The following SAMD12 variants were observed in gnomAD, a reference collection of about 807,000 sequenced individuals.
SAMD12 encodes sterile alpha motif domain containing 12.
Under a neutral mutation model 15.0 loss-of-function variants are expected in SAMD12, and 9 were observed. That is an observed-to-expected ratio of 0.60 (90% confidence interval 0.36 to 1.05). The LOEUF (loss-of-function observed/expected upper bound fraction) is 1.05, where lower values mean the gene tolerates loss of function less well. Ranked by LOEUF, SAMD12 falls within the 50% of genes least tolerant of loss-of-function variation. The pLI, the probability that SAMD12 is intolerant of heterozygous loss-of-function variation, is 0.01. For synonymous variants in SAMD12, 86 were observed against 90.1 expected, an observed-to-expected ratio of 0.96 and a Z score of 0.25; for missense variants, 230 against 234.2, an observed-to-expected ratio of 0.98 and a Z score of 0.12.
chr8:118,144,069 T>A, the SAMD12 span, among the ~76,000 whole-genome samples: 2 of 152,122 alleles, frequency 1.3e-5, no homozygotes, highest in Non-Finnish European at 2.9e-5. Flanking sequence ...CATTCCTTGG[T>A]GTGGCTGCAT....
intron 3 of SAMD12, among the ~76,000 whole-genome samples, chr8:118,386,610 G>C (rs893473416): frequency 6.6e-6 from 1 of 152,192 alleles, no homozygotes; most frequent in Non-Finnish European, 1.5e-5. Context: ...GGTTCATTGT[G>C]CTCCTCATGG....
Position 118,611,055 on chromosome 8 carries a change from G to A in SAMD12, c.13+10749C>T, listed in dbSNP as rs1024205883. On this transcript the variant is annotated intron_variant, in intron 1 of 3. Transcript: ENST00000314727. ...TCAAGTGCCCCAGGAGAATTTTATC[G>A]TCTAAGGAAACACTGCCTAAGATCT... Among the ~76,000 whole-genome samples, 29 of 152,272 alleles carry A rather than the reference G, an allele frequency of 1.9e-4. 1 individual carries two copies. Among genetic ancestry groups the A allele is most frequent in the Non-Finnish European group, 2.5e-4 (17 of 68,034 alleles).
intron 4 of SAMD12, among the ~76,000 whole-genome samples, chr8:118,325,557 A>C (rs1289338036): frequency 6.6e-6 from 1 of 152,202 alleles, no homozygotes; most frequent in African/African-American, 2.4e-5. Flanking sequence ...CTATCAACTC[A>C]CACAGTTATC....
intron 2 of SAMD12, among the ~76,000 whole-genome samples, chr8:118,534,499 G>T (rs1359342338): frequency 6.6e-6 from 1 of 152,126 alleles, no homozygotes. Context: ...TGCCTTGCTG[G>T]GTTGGGGAAG....
chr8:118,444,377 G>C (rs1270542433), intron 2 of SAMD12, among the ~76,000 whole-genome samples: 1 of 152,156 alleles, frequency 6.6e-6, no homozygotes, highest in African/African-American at 2.4e-5. Context: ...ACACCAAGCA[G>C]AATTCCAGAC....
chr8:118,395,057 T>C (rs750048295), intron 3 of SAMD12: 4 of 152,132 alleles, frequency 2.6e-5, no homozygotes, highest in African/African-American at 7.2e-5. Context: ...GTTAACAGTA[T>C]AGGAATATTT....
chr8:118,351,871 T>C (rs1042952929), intron 4 of SAMD12, among the ~76,000 whole-genome samples: 2 of 152,160 alleles, frequency 1.3e-5, no homozygotes, highest in African/African-American at 4.8e-5. Flanking sequence ...TTCTTGTTGG[T>C]TTTCCAGTTC....
chr8:118,156,502 C>A, the SAMD12 span, among the ~76,000 whole-genome samples: 1 of 152,164 alleles, frequency 6.6e-6, no homozygotes, highest in African/African-American at 2.4e-5. Flanking sequence ...TTTGAAAGGG[C>A]TCTATGTGTG....
rs139367283 is a variant in SAMD12 at position 118,581,385 on chromosome 8, G to A, written c.14-492C>T. ...AAGCACTTACTATGTGCCATCCCTG[G>A]GTTAGATCCTGGAAACATGGATTTA... On this transcript the variant is annotated intron_variant, in intron 1 of 3. Transcript: ENST00000314727. Among the ~76,000 whole-genome samples the A allele has an allele frequency of 2.0e-5, 3 of 152,138 alleles. No individual in the cohort carries two copies. The East Asian group carries it at 5.8e-4, about 29-fold the overall frequency.
At chr8:118,356,485 C>A (rs1818231396) in intron 4 of SAMD12, among the ~76,000 whole-genome samples, 4 of 152,136 alleles carry the variant, frequency 2.6e-5, no homozygotes, top group Admixed American at 2.6e-4. Flanking sequence ...AAACGCCCAC[C>A]TGCAGCTCAG....
At chr8:118,502,019 CA>C (rs778485490) in intron 2 of SAMD12, among the ~76,000 whole-genome samples, 29,326 of 80,412 alleles carry the variant, frequency 0.36, 2,726 homozygotes, top group South Asian at 0.47. Context: ...GACTCCGTCT[CA>C]AAAAAAAAAA....
chr8:118,474,598 G>A (rs773455755), intron 2 of SAMD12, among the ~76,000 whole-genome samples: 1 of 151,668 alleles, frequency 6.6e-6, no homozygotes, highest in Non-Finnish European at 1.5e-5. Flanking sequence ...TGTTGGTCAG[G>A]CTGGTCTTGG....
chr8:118,548,303 T>C (rs979759427), intron 2 of SAMD12, among the ~76,000 whole-genome samples: 16 of 152,044 alleles, frequency 1.1e-4, no homozygotes, highest in Non-Finnish European at 1.9e-4. Flanking sequence ...AGTGGGGTAA[T>C]AGATATATGA....
At chr8:118,229,924 G>A (rs1812271775) in intron 4 of SAMD12, among the ~76,000 whole-genome samples, 1 of 152,062 alleles carries the variant, frequency 6.6e-6, no homozygotes, top group African/African-American at 2.4e-5. Context: ...GAGTTCTGGG[G>A]TGCAGAAATA....
chr8:118,378,324 T>C lies in SAMD12; in HGVS notation c.*1093A>G, dbSNP rs1020773878. On this transcript the variant is annotated 3_prime_UTR_variant, in exon 4 of 4. Transcript: ENST00000314727. ...GTGACAGACTTTCTTATCATAATCTTCGTATTTCTATCTACTTCTTAAAAG... is the reference window on the plus strand; with the variant it reads ...GTGACAGACTTTCTTATCATAATCTCCGTATTTCTATCTACTTCTTAAAAG... 2.3e-6 allele frequency: 2 copies of C among 871,432 alleles called. No individual in the cohort carries two copies. Among genetic ancestry groups the C allele is most frequent in the African/African-American group, 1.8e-5 (1 of 54,838 alleles). The allele number at this position is 871,432 out of a possible 1,614,324, so 54.0% of individuals were successfully genotyped here.
intron 4 of SAMD12, among the ~76,000 whole-genome samples, chr8:118,327,999 A>G (rs190970242): frequency 1.3e-5 from 2 of 152,354 alleles, no homozygotes; most frequent in East Asian, 1.9e-4. Flanking sequence ...GATACTATAT[A>G]TTTATAAGCA....
intron 4 of SAMD12, among the ~76,000 whole-genome samples, chr8:118,286,535 T>C: frequency 6.7e-6 from 1 of 148,714 alleles, no homozygotes; most frequent in East Asian, 2.0e-4. Context: ...ACCACTCCCT[T>C]AGCCTATTGA....
At chr8:118,352,480 C>T (rs908365692) in intron 4 of SAMD12, among the ~76,000 whole-genome samples, 3 of 152,074 alleles carry the variant, frequency 2.0e-5, no homozygotes, top group Non-Finnish European at 2.9e-5. Flanking sequence ...AGAAGCCTAC[C>T]GTCTCCATAG....
chr8:118,493,089 A>G (rs1402098914), intron 2 of SAMD12, among the ~76,000 whole-genome samples: 3 of 152,238 alleles, frequency 2.0e-5, no homozygotes, highest in Admixed American at 6.5e-5. Flanking sequence ...TTAGAAGTCA[A>G]TACAATTAAT....
Sources: allele counts gnomAD v4.1 joint callset (sites outside exome capture counted in the v4.1 genomes callset), GRCh38; gene constraint gnomAD v4.1.1; transcripts MANE v1.5; gene names NCBI Gene and HGNC (gene_info 2026-07-23, HGNC 2026-07-21).